PI4K2A: variants seen among roughly 807,000 people sequenced by gnomAD.
The protein encoded by PI4K2A is phosphatidylinositol 4-kinase type 2 alpha.
In PI4K2A, 20 loss-of-function variants were observed where a neutral mutation model predicts 55.0. That is an observed-to-expected ratio of 0.36 (90% CI 0.26 to 0.53). The LOEUF (loss-of-function observed/expected upper bound fraction) is 0.53. PI4K2A is among the 20% of genes least tolerant of loss of function. PI4K2A has a pLI of 0.91. For synonymous variants in PI4K2A, 235 were observed against 258.5 expected, an observed-to-expected ratio of 0.91 and a Z score of 0.87; for missense variants, 463 against 637.1, an observed-to-expected ratio of 0.73 and a Z score of 2.94.
intron 2 of PI4K2A, among the ~76,000 whole-genome samples, chr10:97,652,723 T>G (rs530140246): frequency 6.6e-6 from 1 of 152,198 alleles, no homozygotes; most frequent in Non-Finnish European, 1.5e-5. Flanking sequence ...CCATGTCTGC[T>G]CCTTTGCTAC....
chr10:97,663,978 A>T (rs2041598589), intron 5 of PI4K2A, among the ~76,000 whole-genome samples: 1 of 152,118 alleles, frequency 6.6e-6, no homozygotes, highest in South Asian at 2.1e-4. Context: ...TACAGGCGCA[A>T]AAGTTGTTTA....
chr10:97,663,257 G>T (rs2041595106), intron 5 of PI4K2A, among the ~76,000 whole-genome samples: 1 of 152,170 alleles, frequency 6.6e-6, no homozygotes, highest in African/African-American at 2.4e-5. Flanking sequence ...GTAAAGGTCT[G>T]AGAAGTACTA....
intron 1 of PI4K2A, among the ~76,000 whole-genome samples, chr10:97,643,704 A>G (rs1224163580): frequency 6.6e-6 from 1 of 152,210 alleles, no homozygotes; most frequent in Non-Finnish European, 1.5e-5. Flanking sequence ...AACAAAGGGC[A>G]CTTTCTAAAT....
At chr10:97,646,675 C>A (rs1179940381) in intron 1 of PI4K2A, among the ~76,000 whole-genome samples, 3 of 152,164 alleles carry the variant, frequency 2.0e-5, no homozygotes, top group Non-Finnish European at 2.9e-5. Flanking sequence ...ATTTTAGGTT[C>A]TTGGAGAAAG....
chr10:97,671,001 G>A (rs2041632319), intron 8 of PI4K2A, among the ~76,000 whole-genome samples: 1 of 152,136 alleles, frequency 6.6e-6, no homozygotes, highest in African/African-American at 2.4e-5. Context: ...GCTGGGTGTG[G>A]TGGTGCATGC....
chr10:97,645,075 T>C (rs2041498510), intron 1 of PI4K2A, among the ~76,000 whole-genome samples: 1 of 152,132 alleles, frequency 6.6e-6, no homozygotes, highest in Non-Finnish European at 1.5e-5. Context: ...CTCACTCAAC[T>C]GCAAAAGGGT....
chr10:97,662,767 G>C (rs1003721101), intron 4 of PI4K2A, 140 bp from the exon 5 acceptor site: 1 of 660,390 alleles, frequency 1.5e-6, no homozygotes, highest in Admixed American at 2.4e-5. Flanking sequence ...CCTTAAAAAA[G>C]ATCTAAAAAT....
At chr10:97,641,528 G>A (rs978948580) in intron 1 of PI4K2A, among the ~76,000 whole-genome samples, 8 of 152,174 alleles carry the variant, frequency 5.3e-5, no homozygotes, top group Admixed American at 1.3e-4. Flanking sequence ...CCGCCGACTT[G>A]CAGATTTGGG....
chr10:97,643,935 A>G (rs1203877878), intron 1 of PI4K2A, among the ~76,000 whole-genome samples: 2 of 152,234 alleles, frequency 1.3e-5, no homozygotes, highest in Non-Finnish European at 2.9e-5. Context: ...CCATGGTATA[A>G]CAAATTTTTC....
At position 97,656,529 on chromosome 10, in the gene PI4K2A, G is replaced by T; in HGVS notation, c.768+113G>T. 1 of 1,011,886 alleles carries T rather than the reference G, an allele frequency of 9.9e-7. No individual in the cohort carries two copies. The highest frequency in any genetic ancestry group is 1.5e-6 in the Non-Finnish European group (1 of 676,658). 62.7% of individuals were successfully genotyped at this position (1,011,886 alleles called of 1,614,324 possible). On this transcript the variant is annotated intron_variant, in intron 3 of 8. Transcript: ENST00000370631. This position sits in a 1 kb window ranked among gnomAD's most constrained non-coding sequence, Gnocchi z 4.5. Reference sequence around the variant, plus strand: ...TATGGGCACGTGAATAACCTGCCCTGAGGATCCTGTCTTCCTTATTTCTGT... The same window carrying T: ...TATGGGCACGTGAATAACCTGCCCTTAGGATCCTGTCTTCCTTATTTCTGT...
At chr10:97,640,711 C>A in exon 1 of PI4K2A, 3 of 1,425,356 alleles carry the variant, frequency 2.1e-6, no homozygotes, top group South Asian at 1.4e-5. Flanking sequence ...TGGTGTGGAG[C>A]GCGCCGGGTC....
chr10:97,674,042 C>T (rs1373935604), exon 9 of PI4K2A: 1 of 323,340 alleles, frequency 3.1e-6, no homozygotes, highest in African/African-American at 2.1e-5. Flanking sequence ...TCCCTTCCTT[C>T]CCTGAAACCC....
intron 8 of PI4K2A, among the ~76,000 whole-genome samples, chr10:97,672,725 CTTTTTTTTT>C (rs146627600): frequency 1.3e-4 from 11 of 83,978 alleles, no homozygotes; most frequent in African/African-American, 2.6e-4. Context: ...AGGGTCTGTT[CTTTTTTTTT>C]TTTTTTTTTT....
At chr10:97,655,964 G>A (rs191508411) in intron 2 of PI4K2A, among the ~76,000 whole-genome samples, 8 of 152,312 alleles carry the variant, frequency 5.3e-5, no homozygotes, top group African/African-American at 1.9e-4. Flanking sequence ...CAAGGTATCC[G>A]AGGTTCTTCC....
At chr10:97,673,714 G>A (rs1369284703) in exon 9 of PI4K2A, 4 of 1,614,002 alleles carry the variant, frequency 2.5e-6, no homozygotes, top group Non-Finnish European at 3.4e-6. Context: ...AGCTTTCAGA[G>A]CCGGAAGCCC....
chr10:97,673,148 G>A (rs963403179), intron 8 of PI4K2A, among the ~76,000 whole-genome samples: 2 of 151,956 alleles, frequency 1.3e-5, no homozygotes, highest in African/African-American at 4.8e-5. Flanking sequence ...CACCACGGTC[G>A]GCTAATTTTT....
chr10:97,654,473 G>GA (rs906980151), intron 2 of PI4K2A, among the ~76,000 whole-genome samples: 3 of 151,292 alleles, frequency 2.0e-5, no homozygotes, highest in Non-Finnish European at 2.9e-5. Flanking sequence ...AGGTTCATGG[G>GA]AAAAAAAATA....
At chr10:97,665,308 C>G (rs1251268276) in intron 6 of PI4K2A, among the ~76,000 whole-genome samples, 1 of 151,704 alleles carries the variant, frequency 6.6e-6, no homozygotes, top group East Asian at 1.9e-4. Flanking sequence ...GAGTTTCGCT[C>G]TTGTTGCCCA....
exon 1 of PI4K2A, chr10:97,640,909 G>T: frequency 7.6e-7 from 1 of 1,309,694 alleles, no homozygotes; most frequent in South Asian, 2.3e-5. Context: ...GGCCACGACC[G>T]CGAGCGGCAG....
Sources: gnomAD v4.1 joint callset for allele counts (sites outside exome capture counted in the v4.1 genomes callset) on GRCh38, gnomAD v4.1.1 for gene constraint, Gnocchi (gnomAD v3.1) non-coding constraint, MANE v1.5 for transcripts, NCBI Gene and HGNC (gene_info 2026-07-23, HGNC 2026-07-21) for gene names.